The following ADARB2 variants were observed in gnomAD, a reference collection of about 807,000 sequenced individuals.
ADARB2 encodes the protein adenosine deaminase RNA specific B2 (inactive).
A neutral mutation model predicts 62.2 loss-of-function variants in ADARB2; 25 were observed. That is an observed-to-expected ratio of 0.40 (90% CI 0.29 to 0.56). ADARB2 has a LOEUF of 0.56. ADARB2 is among the 20% of genes least tolerant of loss of function. The probability of loss-of-function intolerance (pLI) is 0.43; values close to 1 mark genes in which losing one functional copy is unlikely to be tolerated. For missense variants in ADARB2, 1,071 were observed against 1,077.4 expected, an observed-to-expected ratio of 0.99 and a Z score of 0.08; for synonymous variants, 572 against 500.8, an observed-to-expected ratio of 1.14 and a Z score of -1.90.
intron 3 of ADARB2, among the ~76,000 whole-genome samples, chr10:1,329,005 A>T (rs951770786): frequency 1.5e-4 from 23 of 150,872 alleles, no homozygotes; most frequent in African/African-American, 4.6e-4. Flanking sequence ...TTAAAAAAAA[A>T]AAAAAAAAAA....
At chr10:1,328,001 G>T (rs1831891743) in intron 3 of ADARB2, among the ~76,000 whole-genome samples, 1 of 152,258 alleles carries the variant, frequency 6.6e-6, no homozygotes, top group South Asian at 2.1e-4. Flanking sequence ...CCACAGCAAG[G>T]CGCCTCCGCA....
chr10:1,602,107 G>A (rs1833422935), intron 1 of ADARB2, among the ~76,000 whole-genome samples: 1 of 152,180 alleles, frequency 6.6e-6, no homozygotes, highest in African/African-American at 2.4e-5. Context: ...TGGCGGGGAA[G>A]TCGCTACCCT....
At chr10:1,595,912 T>C (rs1588316563) in intron 1 of ADARB2, among the ~76,000 whole-genome samples, 1 of 152,340 alleles carries the variant, frequency 6.6e-6, no homozygotes, top group East Asian at 1.9e-4. Context: ...ATGTGCTGTG[T>C]TCCACAGCCC....
intron 1 of ADARB2, among the ~76,000 whole-genome samples, chr10:1,719,614 C>G (rs1220354074): frequency 6.6e-6 from 1 of 152,174 alleles, no homozygotes; most frequent in Non-Finnish European, 1.5e-5. Flanking sequence ...AACAGACAAC[C>G]TACGGATTGG....
intron 1 of ADARB2, among the ~76,000 whole-genome samples, chr10:1,503,240 G>A (rs972757598): frequency 3.3e-5 from 5 of 152,086 alleles, no homozygotes; most frequent in Admixed American, 6.5e-5. Flanking sequence ...TCAGTCTGTA[G>A]CCCAGGCTGG....
intron 1 of ADARB2, among the ~76,000 whole-genome samples, chr10:1,714,600 A>G (rs1834993460): frequency 6.6e-6 from 1 of 152,182 alleles, no homozygotes; most frequent in African/African-American, 2.4e-5. Flanking sequence ...TATGTTTCTT[A>G]TTTAAGTAAC....
intron 1 of ADARB2, among the ~76,000 whole-genome samples, chr10:1,543,080 G>C (rs1279226432): frequency 6.6e-6 from 1 of 152,258 alleles, no homozygotes; most frequent in Non-Finnish European, 1.5e-5. Flanking sequence ...TCCCTGCCTG[G>C]GTTGTTGGGA....
chr10:1,528,233 G>A (rs753816876), intron 1 of ADARB2, among the ~76,000 whole-genome samples: 1 of 152,216 alleles, frequency 6.6e-6, no homozygotes, highest in Non-Finnish European at 1.5e-5. Context: ...CGCCTCCTGT[G>A]AGTGCCCGTG....
rs913348216 is a variant in ADARB2 at position 1,305,462 on chromosome 10, C to G, written c.1078-34393G>C. On this transcript the variant is annotated intron_variant, in intron 3 of 9. Coordinates refer to ENST00000381312, the MANE Select transcript of ADARB2 (RefSeq NM_018702.4). ...GACCAGATGGATTCACAGCCGAATTCTACCAGAGGTACAAGGAGGAACTGG... is the reference window on the plus strand; with the variant it reads ...GACCAGATGGATTCACAGCCGAATTGTACCAGAGGTACAAGGAGGAACTGG... 9.2e-5 allele frequency among the ~76,000 whole-genome samples: 14 copies of G among 151,618 alleles called. No individual in the cohort carries two copies. In the East Asian group the frequency reaches 2.2e-3, roughly 23 times the overall value.
At chr10:1,289,129 C>T (rs1213665274) in intron 3 of ADARB2, among the ~76,000 whole-genome samples, 3 of 152,208 alleles carry the variant, frequency 2.0e-5, no homozygotes, top group Non-Finnish European at 4.4e-5. Flanking sequence ...TGGTCAAACC[C>T]TGGTCTCCAC....
intron 1 of ADARB2, among the ~76,000 whole-genome samples, chr10:1,525,323 AATT>A (rs1385571287): frequency 1.3e-5 from 2 of 152,202 alleles, no homozygotes; most frequent in African/African-American, 4.8e-5. Context: ...ATACTGGTGC[AATT>A]ATTTTCTTCA....
At chr10:1,411,948 C>G (rs927708021) in intron 1 of ADARB2, among the ~76,000 whole-genome samples, 4 of 152,196 alleles carry the variant, frequency 2.6e-5, no homozygotes, top group Admixed American at 6.5e-5. Context: ...TTTAAAACAG[C>G]CTTTACTCAG....
At chr10:1,453,225 T>G (rs1394775609) in intron 1 of ADARB2, among the ~76,000 whole-genome samples, 1 of 152,240 alleles carries the variant, frequency 6.6e-6, no homozygotes, top group Non-Finnish European at 1.5e-5. Flanking sequence ...TCATGGGCTT[T>G]TCCCTTTGCT....
chr10:1,380,951 A>C (rs1832477552), intron 1 of ADARB2, among the ~76,000 whole-genome samples: 1 of 152,236 alleles, frequency 6.6e-6, no homozygotes, highest in Non-Finnish European at 1.5e-5. Flanking sequence ...ACACTCACAA[A>C]AATGCACTAA....
intron 1 of ADARB2, among the ~76,000 whole-genome samples, chr10:1,713,430 A>G (rs540509401): frequency 1.8e-4 from 28 of 152,284 alleles, no homozygotes; most frequent in African/African-American, 6.5e-4. Flanking sequence ...GCAGGGGGCG[A>G]AGCTTGGTGA....
At chr10:1,327,192 C>CTCACTG (rs1333147140) in intron 3 of ADARB2, among the ~76,000 whole-genome samples, 1 of 63,066 alleles carries the variant, frequency 1.6e-5, no homozygotes, top group East Asian at 3.9e-4. Flanking sequence ...TCAGCGCCTC[C>CTCACTG]CCAAGGCACA....
chr10:1,581,537 A>G (rs932741198), intron 1 of ADARB2, among the ~76,000 whole-genome samples: 2 of 152,218 alleles, frequency 1.3e-5, no homozygotes, highest in African/African-American at 4.8e-5. Flanking sequence ...ATGAGCCTGT[A>G]CGTAAACCTG....
At chr10:1,198,172 A>G (rs759180323) in intron 8 of ADARB2, among the ~76,000 whole-genome samples, 7 of 152,190 alleles carry the variant, frequency 4.6e-5, no homozygotes, top group East Asian at 1.9e-4. Flanking sequence ...GAACATTACT[A>G]TGCATCCCGT....
At chr10:1,274,813 GCCTTGA>G (rs1328873958) in intron 3 of ADARB2, among the ~76,000 whole-genome samples, 2 of 152,232 alleles carry the variant, frequency 1.3e-5, no homozygotes, top group Non-Finnish European at 2.9e-5. Context: ...TACCCCAGCT[GCCTTGA>G]CCTTGACCCT....
Sources: allele counts gnomAD v4.1 joint callset (sites outside exome capture counted in the v4.1 genomes callset), GRCh38; gene constraint gnomAD v4.1.1; transcripts MANE v1.5; gene names NCBI Gene and HGNC (gene_info 2026-07-23, HGNC 2026-07-21).